BEND7: variants seen among roughly 807,000 people sequenced by gnomAD.
BEND7 encodes the protein BEN domain containing 7.
A neutral mutation model predicts 50.9 loss-of-function variants in BEND7; 28 were observed. The observed-to-expected ratio is 0.55, with a 90% confidence interval of 0.41 to 0.75. The LOEUF (loss-of-function observed/expected upper bound fraction) is 0.75, where lower values mean the gene tolerates loss of function less well. Ranked by LOEUF, BEND7 falls within the 30% of genes least tolerant of loss-of-function variation. The probability of loss-of-function intolerance (pLI) is 0.00; values close to 1 mark genes in which losing one functional copy is unlikely to be tolerated. For missense variants in BEND7, 477 were observed against 491.3 expected (o/e 0.97, Z 0.28); for synonymous variants, 170 against 183.9 (o/e 0.92, Z 0.61).
At chr10:13,510,553 G>A (rs983280993) in intron 2 of BEND7, among the ~76,000 whole-genome samples, 3 of 152,128 alleles carry the variant, frequency 2.0e-5, no homozygotes, top group Admixed American at 6.5e-5. Context: ...GCAGTACAAC[G>A]AAATTATATC....
intron 2 of BEND7, among the ~76,000 whole-genome samples, chr10:13,504,158 A>G (rs145641427): frequency 6.6e-6 from 1 of 152,304 alleles, no homozygotes; most frequent in East Asian, 1.9e-4. Context: ...ATCTGGGGAC[A>G]GTGGGTGCTG....
At chr10:13,493,303 T>A (rs2132034828) in intron 4 of BEND7, among the ~76,000 whole-genome samples, 1 of 152,354 alleles carries the variant, frequency 6.6e-6, no homozygotes, top group African/African-American at 2.4e-5. Context: ...ACTGATCCGT[T>A]CCTAATAATC....
At chr10:13,440,689 T>A (rs886829990), downstream of BEND7, among the ~76,000 whole-genome samples, 1 of 152,252 alleles carries the variant, frequency 6.6e-6, no homozygotes, top group Non-Finnish European at 1.5e-5. Flanking sequence ...CGAGCGATTC[T>A]GCGGCTGCAG....
At chr10:13,496,533 C>T (rs1336948440) in intron 4 of BEND7, among the ~76,000 whole-genome samples, 1 of 152,048 alleles carries the variant, frequency 6.6e-6, no homozygotes, top group African/African-American at 2.4e-5. Context: ...TGAAGTCTAT[C>T]GAGTACATAC....
At chr10:13,480,705 C>A (rs2131721820) in intron 6 of BEND7, 194 bp downstream of exon 6, 3 of 985,244 alleles carry the variant, frequency 3.0e-6, no homozygotes, top group Non-Finnish European at 3.6e-6. Flanking sequence ...TTAACATTAC[C>A]TTGAATAATG....
Position 13,488,950 on chromosome 10 carries a change from G to A in BEND7, c.837+3661C>T, listed in dbSNP as rs530664416. Among the ~76,000 whole-genome samples, 32 of 152,254 alleles carry A rather than the reference G, an allele frequency of 2.1e-4. No individual in the cohort carries two copies. The South Asian group carries it at 2.3e-3, about 11-fold the overall frequency. ...CTTTCTAAAAACACTATTTGTTCACGTGTATTTTTTTACTGATAGATATAG... is the reference window on the plus strand; with the variant it reads ...CTTTCTAAAAACACTATTTGTTCACATGTATTTTTTTACTGATAGATATAG... On this transcript the variant is annotated intron_variant, in intron 5 of 8. Coordinates refer to ENST00000466271, the MANE Select transcript of BEND7 (RefSeq NM_001369863.1).
In BEND7 at chr10:13,502,966, A is replaced by G. The variant is rs895989272; in HGVS notation, c.146-2886T>C. 3 of 979,968 alleles carry G rather than the reference A, an allele frequency of 3.1e-6. No individual in the cohort carries two copies. The African/African-American group carries it at 5.3e-5, about 17-fold the overall frequency. 60.7% of individuals were successfully genotyped at this position (979,968 alleles called of 1,614,324 possible). A position where few individuals can be genotyped will look rare whatever the true frequency, so the allele number is the denominator to read the frequency against. ...GGTCCTGCCTCTGCTCTGTAGATAT[A>G]ATGCTAGGATAGATACAGTGCTACC... On this transcript the variant is annotated intron_variant, in intron 2 of 8. Transcript: ENST00000466271.
chr10:13,447,467 A>AG (rs752457047), intron 7 of BEND7, 151 bp from the exon 8 acceptor site: 14 of 602,324 alleles, frequency 2.3e-5, no homozygotes, highest in Middle Eastern at 2.7e-4. Flanking sequence ...TTCATATTAC[A>AG]GATGTTAATA....
chr10:13,480,839 G>C, intron 6 of BEND7, 60 bp downstream of exon 6: 2 of 1,602,536 alleles, frequency 1.2e-6, no homozygotes, highest in Non-Finnish European at 1.7e-6. Context: ...CAGCTGCATC[G>C]TTACGGAATG....
chr10:13,486,088 A>G (rs2076203620), intron 5 of BEND7, among the ~76,000 whole-genome samples: 1 of 152,200 alleles, frequency 6.6e-6, no homozygotes, highest in African/African-American at 2.4e-5. Flanking sequence ...TATGTTGTCC[A>G]GGCTGGTCTT....
intron 2 of BEND7, among the ~76,000 whole-genome samples, chr10:13,519,684 T>G (rs1310210088): frequency 6.6e-6 from 1 of 152,200 alleles, no homozygotes; most frequent in Non-Finnish European, 1.5e-5. Flanking sequence ...TCCAAGGTGT[T>G]AGAACTGGAG....
intron 2 of BEND7, among the ~76,000 whole-genome samples, chr10:13,519,470 C>T (rs913485695): frequency 4.1e-5 from 6 of 144,724 alleles, no homozygotes; most frequent in East Asian, 2.1e-4. Context: ...AGCGAGACTC[C>T]GTCTCAAAAA....
chr10:13,490,030 A>T (rs1026616231), intron 5 of BEND7, among the ~76,000 whole-genome samples: 2 of 152,220 alleles, frequency 1.3e-5, no homozygotes, highest in Non-Finnish European at 2.9e-5. Flanking sequence ...GGTTCTGATT[A>T]GAACTTAGTG....
At chr10:13,463,495 T>C (rs2073925701) in intron 6 of BEND7, among the ~76,000 whole-genome samples, 1 of 152,212 alleles carries the variant, frequency 6.6e-6, no homozygotes, top group Middle Eastern at 3.2e-3. Context: ...GATAGAATTA[T>C]GAATCAGTCA....
At position 13,441,744 on chromosome 10, in the gene BEND7, C is replaced by T. The variant is rs1254722718; in HGVS notation, c.1241G>A (p.Ter414=). The stretch of plus-strand genomic sequence containing the variant: ...AGAGCTGTGGTTTGCAGTCCTTCAT[C>T]AGACCACTTGAGAAAACAAAGGGAC... ...DGIALPPTVV[*] The change falls in exon 9 of 9, where the codon TGA becomes TAA. Residue 414 remains the stop codon, a stop_retained_variant. Transcript: ENST00000466271. 1.2e-6 allele frequency: 2 copies of T among 1,613,884 alleles called. No individual in the cohort carries two copies. Among genetic ancestry groups the T allele is most frequent in the African/African-American group, 2.7e-5 (2 of 74,904 alleles).
At chr10:13,469,794 G>C (rs1390157448) in intron 6 of BEND7, among the ~76,000 whole-genome samples, 10 of 152,150 alleles carry the variant, frequency 6.6e-5, no homozygotes, top group Non-Finnish European at 1.5e-4. Flanking sequence ...GAATTTTTAA[G>C]GGGTTTTCTT....
chr10:13,471,366 A>T (rs2074810913), intron 6 of BEND7, among the ~76,000 whole-genome samples: 2 of 152,268 alleles, frequency 1.3e-5, no homozygotes, highest in Admixed American at 1.3e-4. Flanking sequence ...TCTGAAAAGC[A>T]GCAAAGATCA....
At chr10:13,507,943 T>C (rs1041326548) in intron 2 of BEND7, among the ~76,000 whole-genome samples, 41 of 152,248 alleles carry the variant, frequency 2.7e-4, no homozygotes, top group Admixed American at 5.2e-4. Flanking sequence ...TTATACTATA[T>C]GGTCCAAAAT....
Position 13,447,333 on chromosome 10 carries a change from T to G in BEND7, c.1184-17A>C, listed in dbSNP as rs760911205. 2 of 1,613,932 alleles carry G rather than the reference T, an allele frequency of 1.2e-6. No individual in the cohort carries two copies. Among genetic ancestry groups the G allele is most frequent in the Admixed American group, 1.7e-5 (1 of 59,980 alleles). Reference sequence around the variant, plus strand: ...CCGCGATCTCTGCTGGTTACAAACATAAGACACAAATCTCATTAGTTCCAG... The same window carrying G: ...CCGCGATCTCTGCTGGTTACAAACAGAAGACACAAATCTCATTAGTTCCAG... On this transcript the variant is annotated splice_polypyrimidine_tract_variant and intron_variant, in intron 7 of 8. Transcript: ENST00000466271.
Sources: gnomAD v4.1 joint callset for allele counts (sites outside exome capture counted in the v4.1 genomes callset) on GRCh38, gnomAD v4.1.1 for gene constraint, MANE v1.5 for transcripts, NCBI Gene and HGNC (gene_info 2026-07-23, HGNC 2026-07-21) for gene names.